KCNH1: variants seen among roughly 807,000 people sequenced by gnomAD.
The protein encoded by KCNH1 is voltage-gated delayed rectifier potassium channel KCNH1.
Under a neutral mutation model 69.2 loss-of-function variants are expected in KCNH1, and 27 were observed. The observed-to-expected ratio is 0.39, with a 90% CI of 0.29 to 0.54. The LOEUF is 0.54. Ranked by LOEUF, KCNH1 falls within the 20% of genes least tolerant of loss-of-function variation. KCNH1 has a pLI of 0.68. For synonymous variants in KCNH1, 456 were observed against 487.7 expected, an observed-to-expected ratio of 0.93 and a Z score of 0.86; for missense variants, 798 against 1,261.6, an observed-to-expected ratio of 0.63 and a Z score of 5.57.
intron 5 of KCNH1, among the ~76,000 whole-genome samples, chr1:211,029,738 G>A (rs752928060): frequency 2.6e-5 from 4 of 151,980 alleles, no homozygotes; most frequent in Non-Finnish European, 5.9e-5. Context: ...AGATCAGAGA[G>A]GATGAAATAA....
chr1:211,110,334 T>C (rs904047004), intron 1 of KCNH1, among the ~76,000 whole-genome samples: 5 of 152,142 alleles, frequency 3.3e-5, no homozygotes, highest in Admixed American at 6.5e-5. Context: ...AGAGAGCTAG[T>C]AGACAGTATT....
At position 210,683,727 on chromosome 1, in the gene KCNH1, C is replaced by T. The variant is rs748190007; in HGVS notation, c.2524G>A (p.Asp842Asn). The change falls in exon 11 of 11, where the codon GAT becomes AAT. Residue 842 changes from aspartate to asparagine, a missense_variant. Physicochemically the swap from Asp to Asn is conservative, Grantham distance 23. Around this residue, in one of 4 missense-constraint regions of KCNH1, gnomAD observed 331 missense variants for 363.2 expected, o/e 0.91. Coordinates refer to ENST00000271751, the MANE Select transcript of KCNH1 (RefSeq NM_172362.3). This position sits in a 1 kb window ranked among gnomAD's most constrained non-coding sequence, Gnocchi z 5.7. ...CAGTCCTCACTCTTCCCGCAAGCAT[C>T]TTTGAAGCGGGCCCAGCTTTTGCGC... ...AKRKSWARFKDACGKSEDWNK... is the reference protein window; with the variant it reads ...AKRKSWARFKNACGKSEDWNK... 2 of 1,614,198 alleles carry T rather than the reference C, an allele frequency of 1.2e-6. No homozygotes were observed. The highest frequency in any genetic ancestry group is 2.2e-5 in the South Asian group (2 of 91,084).
chr1:210,697,843 C>G (rs897526774), intron 10 of KCNH1, among the ~76,000 whole-genome samples: 1 of 152,218 alleles, frequency 6.6e-6, no homozygotes, highest in Non-Finnish European at 1.5e-5. Flanking sequence ...AATCCTTGTT[C>G]CTGGTATGGT....
intron 10 of KCNH1, among the ~76,000 whole-genome samples, chr1:210,710,703 G>A (rs1682051162): frequency 6.6e-6 from 1 of 152,144 alleles, no homozygotes; most frequent in African/African-American, 2.4e-5. Flanking sequence ...TGGTGTGGCA[G>A]GCATGGGAGT....
chr1:210,996,196 T>A (rs1378329870), intron 6 of KCNH1, among the ~76,000 whole-genome samples: 2 of 152,124 alleles, frequency 1.3e-5, no homozygotes, highest in Admixed American at 6.5e-5. Context: ...ATCGCCTCAC[T>A]CGGGAAGCAC....
At chr1:211,007,460 T>C (rs1300266039) in intron 6 of KCNH1, among the ~76,000 whole-genome samples, 1 of 152,198 alleles carries the variant, frequency 6.6e-6, no homozygotes, top group Non-Finnish European at 1.5e-5. Flanking sequence ...GAAAATCTCC[T>C]TCTCCCCTAG....
rs1007045039 is a variant in KCNH1, at chr1:210,801,135, C to T, written c.1662+2832G>A. Among the ~76,000 whole-genome samples, 12 of 152,258 alleles carry T rather than the reference C, an allele frequency of 7.9e-5. No individual in the cohort carries two copies. In the East Asian group the frequency reaches 1.7e-3, roughly 22 times the overall value. ...GGCTTTGAAGTCCAGAAGGTCATAG[C>T]CAAAAGGGCTTTAGAGGTCACCTAG... is the stretch of plus-strand genomic sequence containing the variant. On this transcript the variant is annotated intron_variant, in intron 8 of 10. Transcript: ENST00000271751.
chr1:210,760,159 G>T (rs1422445287), intron 10 of KCNH1, among the ~76,000 whole-genome samples: 2 of 152,054 alleles, frequency 1.3e-5, no homozygotes, highest in Non-Finnish European at 2.9e-5. Context: ...AAAAGGTTGA[G>T]GACTGCTGCT....
At chr1:210,867,360 C>CAT (rs772279988) in intron 7 of KCNH1, among the ~76,000 whole-genome samples, 140 of 116,776 alleles carry the variant, frequency 1.2e-3, no homozygotes, top group African/African-American at 4.1e-3. Context: ...CACACACACA[C>CAT]ACATATATAT....
chr1:211,119,498 C>T (rs748600143), intron 1 of KCNH1, among the ~76,000 whole-genome samples: 1 of 151,406 alleles, frequency 6.6e-6, no homozygotes, highest in Non-Finnish European at 1.5e-5. Flanking sequence ...GACCAGAAAA[C>T]AATAGTTTGA....
intron 6 of KCNH1, among the ~76,000 whole-genome samples, chr1:210,967,642 A>G (rs1297035880): frequency 6.6e-6 from 1 of 152,012 alleles, no homozygotes; most frequent in East Asian, 1.9e-4. Context: ...CCATCTGTCA[A>G]TTTGTCTATC....
Position 210,859,278 on chromosome 1 carries a change from C to A in KCNH1, c.1463-55112G>T, listed in dbSNP as rs1458928933. The A allele has an allele frequency of 8.1e-6, 13 of 1,595,456 alleles. No individual in the cohort carries two copies. In the Admixed American group the frequency reaches 8.3e-5, roughly 10 times the overall value. On this transcript the variant is annotated intron_variant, in intron 7 of 10. Coordinates refer to ENST00000271751, the MANE Select transcript of KCNH1 (RefSeq NM_172362.3). ...TTCTCAATCATTTTGGATTCATGAGCTGCTCTTCTTTGATTGGCCAGAGTT... is the reference window on the plus strand; with the variant it reads ...TTCTCAATCATTTTGGATTCATGAGATGCTCTTCTTTGATTGGCCAGAGTT...
chr1:210,996,567 G>C (rs1463112174), intron 6 of KCNH1, among the ~76,000 whole-genome samples: 1 of 152,218 alleles, frequency 6.6e-6, no homozygotes, highest in Non-Finnish European at 1.5e-5. Context: ...GCAGGGCACA[G>C]ACAAACAAAA....
At chr1:210,994,388 T>C (rs544009093) in intron 6 of KCNH1, among the ~76,000 whole-genome samples, 1 of 152,298 alleles carries the variant, frequency 6.6e-6, no homozygotes, top group Admixed American at 6.5e-5. Flanking sequence ...ACTAGTCAAA[T>C]TGAGTTGAGT....
intron 7 of KCNH1, among the ~76,000 whole-genome samples, chr1:210,823,474 C>A (rs183938851): frequency 1.3e-5 from 2 of 152,246 alleles, no homozygotes. Context: ...GTACAATGTG[C>A]TCTCTCCCTG....
chr1:210,691,143 G>A (rs931715620), intron 10 of KCNH1, among the ~76,000 whole-genome samples: 1 of 152,232 alleles, frequency 6.6e-6, no homozygotes, highest in Non-Finnish European at 1.5e-5. Context: ...AATGTATTAT[G>A]TATTACTCTT....
At chr1:210,750,745 C>T (rs150277261) in intron 10 of KCNH1, among the ~76,000 whole-genome samples, 496 of 152,200 alleles carry the variant, frequency 3.3e-3, no homozygotes, top group Non-Finnish European at 5.3e-3. Context: ...GATGGGATTT[C>T]GGAAGCCTCT....
chr1:210,894,494 A>G (rs1686821376), intron 7 of KCNH1, among the ~76,000 whole-genome samples: 1 of 152,082 alleles, frequency 6.6e-6, no homozygotes, highest in East Asian at 1.9e-4. Context: ...AGGGTTGATT[A>G]GTTATCTATT....
chr1:211,029,120 A>G (rs1250015346), intron 5 of KCNH1, among the ~76,000 whole-genome samples: 1 of 149,230 alleles, frequency 6.7e-6, no homozygotes, highest in African/African-American at 2.5e-5. Flanking sequence ...GTTTGAGGCC[A>G]GAAATTCAAG....
Sources: gnomAD v4.1 joint callset for allele counts (sites outside exome capture counted in the v4.1 genomes callset) on GRCh38, gnomAD v4.1.1 for gene constraint, gnomAD v4.1.1 regional missense constraint, Gnocchi (gnomAD v3.1) non-coding constraint, MANE v1.5 for transcripts, NCBI Gene and HGNC (gene_info 2026-07-23, HGNC 2026-07-21) for gene names.